The following BCAS4 variants were observed in gnomAD, a reference collection of about 807,000 sequenced individuals.
BCAS4 encodes the protein breast carcinoma-amplified sequence 4.
BCAS4 carries 9 observed loss-of-function variants against 15.7 expected under a neutral mutation model. The observed-to-expected ratio is 0.57, with a 90% CI of 0.34 to 1.00. The LOEUF is 1.00. BCAS4 is among the 50% of genes least tolerant of loss of function. The pLI is 0.02. For missense variants in BCAS4, 225 were observed against 239.1 expected, an observed-to-expected ratio of 0.94 and a Z score of 0.39; for synonymous variants, 101 against 99.5, an observed-to-expected ratio of 1.02 and a Z score of -0.09.
chr20:50,845,809 C>T (rs949004613), intron 4 of BCAS4, among the ~76,000 whole-genome samples: 3 of 152,238 alleles, frequency 2.0e-5, no homozygotes, highest in East Asian at 1.9e-4. Flanking sequence ...GGTGGCCCCA[C>T]GGGAATGCTG....
intron 4 of BCAS4, among the ~76,000 whole-genome samples, chr20:50,847,010 T>C (rs1347335733): frequency 6.6e-6 from 1 of 152,142 alleles, no homozygotes; most frequent in Non-Finnish European, 1.5e-5. Context: ...AGGCTTTGCT[T>C]GCTAGAAAAC....
intron 4 of BCAS4, among the ~76,000 whole-genome samples, chr20:50,862,235 C>T (rs1313385062): frequency 1.3e-5 from 2 of 152,008 alleles, no homozygotes; most frequent in Admixed American, 6.6e-5. Flanking sequence ...CTGGATTCTG[C>T]CCTCTTGTTT....
chr20:50,868,467 GC>G (rs1228302582), intron 4 of BCAS4, among the ~76,000 whole-genome samples: 9 of 152,128 alleles, frequency 5.9e-5, no homozygotes, highest in African/African-American at 2.2e-4. Context: ...CTATTGCCCA[GC>G]CTATAGTGCA....
chr20:50,813,935 TGCC>T (rs2088104464), intron 1 of BCAS4, among the ~76,000 whole-genome samples: 1 of 152,036 alleles, frequency 6.6e-6, no homozygotes, highest in Non-Finnish European at 1.5e-5. Context: ...GAGCAGTTTA[TGCC>T]CAGGGGGTTG....
At chr20:50,817,817 G>A (rs922130351) in intron 1 of BCAS4, among the ~76,000 whole-genome samples, 5 of 151,986 alleles carry the variant, frequency 3.3e-5, no homozygotes, top group African/African-American at 1.2e-4. Flanking sequence ...AGGCTGTGAG[G>A]TTGTGGACTC....
chr20:50,800,614 T>C (rs1600842825), intron 1 of BCAS4, among the ~76,000 whole-genome samples: 1 of 140,006 alleles, frequency 7.1e-6, no homozygotes, highest in Non-Finnish European at 1.5e-5. Flanking sequence ...CAGGCTGGAG[T>C]GCAGTGGCGC....
intron 3 of BCAS4, among the ~76,000 whole-genome samples, chr20:50,830,967 TTAAA>T (rs2088336177): frequency 6.6e-6 from 1 of 152,242 alleles, no homozygotes; most frequent in Admixed American, 6.5e-5. Flanking sequence ...CCACATTTCC[TTAAA>T]TACTTTAATC....
intron 1 of BCAS4, among the ~76,000 whole-genome samples, chr20:50,809,176 G>A (rs2088030570): frequency 6.6e-6 from 1 of 151,446 alleles, no homozygotes; most frequent in South Asian, 2.1e-4. Flanking sequence ...TCTCTGTTCT[G>A]TTCCATTGGT....
At chr20:50,854,385 G>T (rs1289357810) in intron 4 of BCAS4, among the ~76,000 whole-genome samples, 1 of 152,180 alleles carries the variant, frequency 6.6e-6, no homozygotes, top group Non-Finnish European at 1.5e-5. Context: ...AGCAGCTGAG[G>T]CGCATAAGTT....
intron 1 of BCAS4, among the ~76,000 whole-genome samples, chr20:50,814,377 C>T (rs2088111861): frequency 6.6e-6 from 1 of 152,234 alleles, no homozygotes; most frequent in Admixed American, 6.5e-5. Flanking sequence ...CCTCAACCTC[C>T]TGGGCCCAAG....
intron 3 of BCAS4, among the ~76,000 whole-genome samples, chr20:50,836,504 G>A (rs2088412200): frequency 6.6e-6 from 1 of 152,226 alleles, no homozygotes; most frequent in Admixed American, 6.5e-5. Flanking sequence ...TATGGTGGTT[G>A]TAGTTGTCCA....
chr20:50,800,525 T>C (rs1205717436), intron 1 of BCAS4, among the ~76,000 whole-genome samples: 2 of 151,554 alleles, frequency 1.3e-5, no homozygotes, highest in Admixed American at 6.6e-5. Flanking sequence ...GTTCAACTAG[T>C]TCCCTGCCAC....
intron 4 of BCAS4, among the ~76,000 whole-genome samples, chr20:50,863,883 C>A (rs1979220976): frequency 7.2e-6 from 1 of 139,570 alleles, no homozygotes; most frequent in Non-Finnish European, 1.5e-5. Flanking sequence ...AAGGACTCTT[C>A]CATTTGCTGC....
At chr20:50,818,312 A>C (rs1160840759) in intron 2 of BCAS4, 30 bp downstream of exon 2, 1 of 1,599,870 alleles carries the variant, frequency 6.3e-7, no homozygotes, top group Admixed American at 1.7e-5. Context: ...GCGTGGGTTT[A>C]GGCCCAGGCC....
intron 4 of BCAS4, among the ~76,000 whole-genome samples, chr20:50,869,008 C>G (rs2122673065): frequency 6.6e-6 from 1 of 152,336 alleles, no homozygotes; most frequent in South Asian, 2.1e-4. Flanking sequence ...ATTTTGTCTT[C>G]CTGGTCCCAA....
chr20:50,848,153 G>T (rs956691519), intron 4 of BCAS4, among the ~76,000 whole-genome samples: 5 of 152,050 alleles, frequency 3.3e-5, no homozygotes, highest in African/African-American at 1.2e-4. Flanking sequence ...CTACTTGGGA[G>T]GCTGGGGTGG....
downstream of BCAS4, chr20:50,880,416 G>A (rs953133590): frequency 3.9e-5 from 6 of 152,134 alleles, no homozygotes; most frequent in African/African-American, 4.8e-5. Context: ...TGATGTCCTC[G>A]GTTGCTGACT....
chr20:50,882,574 T>C, the BCAS4 span: 1 of 152,210 alleles, frequency 6.6e-6, no homozygotes, highest in Non-Finnish European at 1.5e-5. Context: ...AGAGGTATCC[T>C]TTTCACTGTT....
chr20:50,871,999 C>T (rs1222093579), intron 4 of BCAS4, among the ~76,000 whole-genome samples: 3 of 152,160 alleles, frequency 2.0e-5, no homozygotes, highest in Non-Finnish European at 1.5e-5. Flanking sequence ...GTGGCTCACG[C>T]CTGTAATCCC....
Sources: allele counts gnomAD v4.1 joint callset (sites outside exome capture counted in the v4.1 genomes callset), GRCh38; gene constraint gnomAD v4.1.1; transcripts MANE v1.5; gene names NCBI Gene and HGNC (gene_info 2026-07-23, HGNC 2026-07-21).